EDC3: variants seen among roughly 807,000 people sequenced by gnomAD.
The protein encoded by EDC3 is enhancer of mRNA-decapping protein 3.
A neutral mutation model predicts 41.8 loss-of-function variants in EDC3; 20 were observed. The ratio of observed to expected loss-of-function variants is 0.48; its 90% confidence interval spans 0.34 to 0.70. The LOEUF is 0.70. EDC3 is among the 30% of genes least tolerant of loss of function. EDC3 has a pLI of 0.01. For missense variants in EDC3, 444 were observed against 636.8 expected, an observed-to-expected ratio of 0.70 and a Z score of 3.26; for synonymous variants, 206 against 243.2, an observed-to-expected ratio of 0.85 and a Z score of 1.42.
rs759219107 is a variant in EDC3 at position 74,671,395 on chromosome 15, T to A, written c.484+60A>T. 3.2e-6 allele frequency: 5 copies of A among 1,543,522 alleles called. No individual in the cohort carries two copies. Among genetic ancestry groups the A allele is most frequent in the Non-Finnish European group, 4.4e-6 (5 of 1,134,852 alleles). ...GGATTTGTTTAAAGAGCAGCAGTGC[T>A]TATGGCTTATAGCCCTGAAACACCA... On this transcript the variant is annotated intron_variant, in intron 3 of 6. Transcript: ENST00000315127. This position sits in a 1 kb window ranked among gnomAD's most constrained non-coding sequence, Gnocchi z 4.6.
At chr15:74,657,563 T>C (rs992304664) in intron 3 of EDC3, among the ~76,000 whole-genome samples, 1 of 152,246 alleles carries the variant, frequency 6.6e-6, no homozygotes, top group African/African-American at 2.4e-5. Context: ...GGAAATATCC[T>C]GCTTCAGTTT....
intron 3 of EDC3, among the ~76,000 whole-genome samples, chr15:74,661,378 C>T (rs1025403562): frequency 2.0e-5 from 3 of 152,186 alleles, no homozygotes; most frequent in Admixed American, 2.0e-4. Flanking sequence ...CAAACTATAG[C>T]TCATGGGCCA....
intron 2 of EDC3, 42 bp downstream of exon 2, chr15:74,674,919 G>C (rs770711041): frequency 6.2e-7 from 1 of 1,610,682 alleles, no homozygotes; most frequent in Admixed American, 1.7e-5. Context: ...AAGCTCCACA[G>C]ACCACCAGGT....
At position 74,655,878 on chromosome 15, in the gene EDC3, A is replaced by G. The variant is rs754633529; in HGVS notation, c.675T>C (p.Tyr225=). The change falls in exon 4 of 7, where the codon TAT becomes TAC. Residue 225 remains tyrosine (Y), a synonymous_variant. Coordinates refer to ENST00000315127, the MANE Select transcript of EDC3 (RefSeq NM_025083.5). ...GGGAACGGGTACCACTTCTCCTTTC[A>G]TAGGTATCAATCTCCTCAAACACAG... ...KAAVFEEIDT[Y]ERRSGTRSRG... is the part of the protein sequence containing the mutation. 6.2e-7 allele frequency: 1 copy of G among 1,614,130 alleles called. No homozygotes were observed. Among genetic ancestry groups the G allele is most frequent in the Non-Finnish European group, 8.5e-7 (1 of 1,180,034 alleles).
At chr15:74,689,377 CTTCA>C (rs988531422) in intron 1 of EDC3, among the ~76,000 whole-genome samples, 39 of 152,166 alleles carry the variant, frequency 2.6e-4, no homozygotes, top group Non-Finnish European at 1.2e-4. Flanking sequence ...TTTACTCTTG[CTTCA>C]TTGATACTGT....
rs758859891 is a variant in EDC3 at position 74,671,625 on chromosome 15, T to C, written c.314A>G (p.Lys105Arg). 3 of 1,614,156 alleles carry C rather than the reference T, an allele frequency of 1.9e-6. No homozygotes were observed. Among genetic ancestry groups the C allele is most frequent in the Non-Finnish European group, 2.5e-6 (3 of 1,180,022 alleles). The change falls in exon 3 of 7, where the codon AAG becomes AGG. Residue 105 changes from lysine (K) to arginine (R), a missense_variant. Around this residue, in one of 3 missense-constraint regions of EDC3, gnomAD observed 200 missense variants for 244.0 expected, o/e 0.82. Coordinates refer to ENST00000315127, the MANE Select transcript of EDC3 (RefSeq NM_025083.5). The surrounding 1 kb of genome is among the most constrained non-coding windows in gnomAD (Gnocchi z 4.6). ...INQNGTGKFV[K>R]KPASSSSAPQ... Reference sequence around the variant, plus strand: ...GGCACTGCTGGAAGAGGCTGGCTTCTTGACAAACTTGCCTGTGCCATTCTG... The same window carrying C: ...GGCACTGCTGGAAGAGGCTGGCTTCCTGACAAACTTGCCTGTGCCATTCTG...
At chr15:74,670,462 T>C (rs561702428) in intron 3 of EDC3, among the ~76,000 whole-genome samples, 2 of 152,154 alleles carry the variant, frequency 1.3e-5, no homozygotes, top group Non-Finnish European at 2.9e-5. Flanking sequence ...TGAGACAGAG[T>C]CTCGCTCTAT....
intron 1 of EDC3, among the ~76,000 whole-genome samples, chr15:74,684,478 CAA>C (rs1043252193): frequency 3.8e-4 from 23 of 60,956 alleles, no homozygotes; most frequent in South Asian, 6.3e-4. Flanking sequence ...GACTTTGTCT[CAA>C]AAAAAAAAAA....
At chr15:74,678,933 G>C (rs557385046) in intron 1 of EDC3, among the ~76,000 whole-genome samples, 3 of 150,010 alleles carry the variant, frequency 2.0e-5, no homozygotes, top group Non-Finnish European at 4.4e-5. Context: ...GTTCACACCT[G>C]TAATCCCAGC....
At chr15:74,651,006 A>G (rs2062474055) in intron 4 of EDC3, among the ~76,000 whole-genome samples, 1 of 152,134 alleles carries the variant, frequency 6.6e-6, no homozygotes, top group African/African-American at 2.4e-5. Flanking sequence ...TCAAAAAATA[A>G]TAATAAAATT....
chr15:74,672,333 C>T (rs1170618475), intron 2 of EDC3, among the ~76,000 whole-genome samples: 1 of 151,692 alleles, frequency 6.6e-6, no homozygotes, highest in Non-Finnish European at 1.5e-5. Context: ...CTTACATTCC[C>T]ACAATGTTTA....
chr15:74,645,880 A>T (rs964610007), intron 4 of EDC3, among the ~76,000 whole-genome samples: 1 of 152,172 alleles, frequency 6.6e-6, no homozygotes. Context: ...GTCTCAAAAA[A>T]GAGTTGGGAA....
intron 2 of EDC3, among the ~76,000 whole-genome samples, chr15:74,673,045 C>T (rs578073503): frequency 6.6e-6 from 1 of 151,898 alleles, no homozygotes; most frequent in Admixed American, 6.6e-5. Flanking sequence ...ATATGGCCCA[C>T]GTGAGGAACT....
At chr15:74,643,833 T>C (rs959873014) in intron 4 of EDC3, 17 of 152,178 alleles carry the variant, frequency 1.1e-4, no homozygotes, top group African/African-American at 3.6e-4. Flanking sequence ...GGCCCTTTAA[T>C]TGGAAAGGCT....
At chr15:74,656,833 CAGCTGGATGTTGGAGACTAT>C (rs2062555083) in intron 3 of EDC3, among the ~76,000 whole-genome samples, 1 of 152,168 alleles carries the variant, frequency 6.6e-6, no homozygotes, top group Non-Finnish European at 1.5e-5. Context: ...AGATGAGAAA[CAGCTGGATGTTGGAGACTAT>C]GGCTGGATGT....
chr15:74,635,197 A>C, intron 6 of EDC3: 1 of 698,232 alleles, frequency 1.4e-6, no homozygotes, highest in East Asian at 2.7e-5. Flanking sequence ...GAATGGACCA[A>C]TGGGTCCCCA....
At chr15:74,645,018 T>A (rs1018465521) in intron 4 of EDC3, 1 of 152,048 alleles carries the variant, frequency 6.6e-6, no homozygotes, top group Non-Finnish European at 1.5e-5. Flanking sequence ...GAAAACATGT[T>A]TAACATGAAT....
intron 1 of EDC3, among the ~76,000 whole-genome samples, chr15:74,691,069 G>A (rs747468885): frequency 5.6e-4 from 85 of 151,774 alleles, no homozygotes; most frequent in African/African-American, 3.6e-4. Flanking sequence ...GTTGGGAGGC[G>A]GAGGTTGCAG....
chr15:74,690,507 AAAC>A (rs1251369456), intron 1 of EDC3, among the ~76,000 whole-genome samples: 1 of 152,228 alleles, frequency 6.6e-6, no homozygotes, highest in Non-Finnish European at 1.5e-5. Flanking sequence ...CAGATCCAAT[AAAC>A]AACCCTTGGC....
Sources: gnomAD v4.1 joint callset for allele counts (sites outside exome capture counted in the v4.1 genomes callset) on GRCh38, gnomAD v4.1.1 for gene constraint, gnomAD v4.1.1 regional missense constraint, Gnocchi (gnomAD v3.1) non-coding constraint, MANE v1.5 for transcripts, NCBI Gene and HGNC (gene_info 2026-07-23, HGNC 2026-07-21) for gene names.